Variants in COL23A1 observed in about 807,000 individuals in gnomAD.
The protein encoded by COL23A1 is collagen alpha-1(XXIII) chain.
A neutral mutation model predicts 99.3 loss-of-function variants in COL23A1; 97 were observed. The ratio of observed to expected loss-of-function variants is 0.98; its 90% confidence interval spans 0.83 to 1.16. The LOEUF (loss-of-function observed/expected upper bound fraction) is 1.16, where lower values mean the gene tolerates loss of function less well. Ranked by LOEUF, COL23A1 falls within the 50% of genes most tolerant of loss-of-function variation. COL23A1 has a pLI of 0.00. For missense variants in COL23A1, 762 were observed against 757.4 expected (o/e 1.01, Z -0.07); for synonymous variants, 320 against 308.2 (o/e 1.04, Z -0.40).
At chr5:178,513,852 T>A (rs964719805) in intron 2 of COL23A1, among the ~76,000 whole-genome samples, 2 of 110,870 alleles carry the variant, frequency 1.8e-5, no homozygotes, top group African/African-American at 7.2e-5. Flanking sequence ...TTCCATCATC[T>A]TCTGCTTTTT....
intron 2 of COL23A1, among the ~76,000 whole-genome samples, chr5:178,464,435 ATTTT>A (rs1399999326): frequency 6.6e-6 from 1 of 151,912 alleles, no homozygotes; most frequent in Non-Finnish European, 1.5e-5. Flanking sequence ...CATATACCAC[ATTTT>A]CTTTATCCAT....
intron 2 of COL23A1, among the ~76,000 whole-genome samples, chr5:178,461,965 C>T (rs1846371): frequency 0.42 from 63,271 of 151,832 alleles, 14,066 homozygotes; most frequent in Admixed American, 0.56. Context: ...GGAGCTGCCG[C>T]GAAAGTTCCT....
intron 12 of COL23A1, among the ~76,000 whole-genome samples, chr5:178,258,238 T>A (rs68102135): frequency 2.5e-4 from 15 of 60,728 alleles, no homozygotes; most frequent in East Asian, 3.9e-4. Context: ...TGTCTTAAAA[T>A]ATATATATAT....
Position 178,306,971 on chromosome 5 carries a change from G to A in COL23A1, c.362-52C>T. ...ATTGAGAAGGGAAGCCAGTGGACTT[G>A]GCTGCGTGGGGCATGCCCCAGCCAC... is the stretch of plus-strand genomic sequence containing the variant. On this transcript the variant is annotated intron_variant, in intron 2 of 28. Coordinates refer to ENST00000390654, the MANE Select transcript of COL23A1 (RefSeq NM_173465.4). The surrounding 1 kb of genome is among the most constrained non-coding windows in gnomAD (Gnocchi z 4.1). The A allele has an allele frequency of 1.5e-6, 2 of 1,336,248 alleles. No homozygotes were observed. The highest frequency in any genetic ancestry group is 2.0e-6 in the Non-Finnish European group (2 of 1,007,272). 82.8% of individuals were successfully genotyped at this position (1,336,248 alleles called of 1,614,324 possible). A position where few individuals can be genotyped will look rare whatever the true frequency, so the allele number is the denominator to read the frequency against.
At chr5:178,425,216 A>G (rs1765847409) in intron 2 of COL23A1, among the ~76,000 whole-genome samples, 1 of 152,286 alleles carries the variant, frequency 6.6e-6, no homozygotes, top group African/African-American at 2.4e-5. Flanking sequence ...TGAGGTCAGG[A>G]GTTCGAGACC....
At chr5:178,358,693 A>ATGTG (rs879302088) in intron 2 of COL23A1, among the ~76,000 whole-genome samples, 14,253 of 132,860 alleles carry the variant, frequency 0.11, 871 homozygotes, top group Middle Eastern at 0.3. Flanking sequence ...ATGTGTGTGT[A>ATGTG]TGTATGTGTA....
At chr5:178,344,896 C>T in intron 2 of COL23A1, 1 of 773,758 alleles carries the variant, frequency 1.3e-6, no homozygotes, top group South Asian at 1.3e-5. Flanking sequence ...TGTGGACAGT[C>T]TCAGGGACAA....
chr5:178,444,261 C>A (rs1210381856), intron 2 of COL23A1, among the ~76,000 whole-genome samples: 1 of 152,122 alleles, frequency 6.6e-6, no homozygotes, highest in African/African-American at 2.4e-5. Context: ...CCATCCCCCC[C>A]AAATATCTAG....
chr5:178,350,552 A>G (rs1761263555), intron 2 of COL23A1, among the ~76,000 whole-genome samples: 1 of 152,220 alleles, frequency 6.6e-6, no homozygotes, highest in Admixed American at 6.5e-5. Context: ...TGGCACAGGT[A>G]GCGTGTGGCT....
rs1442877075 is a variant in COL23A1, at chr5:178,415,802, G to T, written c.362-108883C>A. ...TAGCGGGAGGTAGACAGGCAAACAA[G>T]AAAGACTGAAAACTCCTCGAGGGCA... On this transcript the variant is annotated intron_variant, in intron 2 of 28. Transcript: ENST00000390654. The surrounding 1 kb of genome is among the most constrained non-coding windows in gnomAD (Gnocchi z 4.6). Among the ~76,000 whole-genome samples, 3 of 152,174 alleles carry T rather than the reference G, an allele frequency of 2.0e-5. No individual in the cohort carries two copies. Among genetic ancestry groups the T allele is most frequent in the Non-Finnish European group, 4.4e-5 (3 of 68,036 alleles).
chr5:178,403,140 AATAC>A (rs1345053645), intron 2 of COL23A1, among the ~76,000 whole-genome samples: 1 of 147,952 alleles, frequency 6.8e-6, no homozygotes, highest in African/African-American at 2.5e-5. Flanking sequence ...ATAAAAAATA[AATAC>A]CATTTACCGA....
intron 2 of COL23A1, among the ~76,000 whole-genome samples, chr5:178,465,199 C>T (rs1756346923): frequency 6.6e-6 from 1 of 152,190 alleles, no homozygotes; most frequent in Non-Finnish European, 1.5e-5. Flanking sequence ...CATCAGAAAA[C>T]AGGGGTCGGC....
chr5:178,358,683 A>G (rs1042909283), intron 2 of COL23A1, among the ~76,000 whole-genome samples: 22 of 117,592 alleles, frequency 1.9e-4, no homozygotes, highest in African/African-American at 5.9e-4. Flanking sequence ...GTGTATGTGT[A>G]TGTGTGTGTA....
rs1765282617 is a variant in COL23A1 at position 178,415,949 on chromosome 5, C to A, written c.362-109030G>T. Among the ~76,000 whole-genome samples the A allele has an allele frequency of 6.6e-6, 1 of 152,030 alleles. No individual in the cohort carries two copies. The highest frequency in any genetic ancestry group is 1.5e-5 in the Non-Finnish European group (1 of 68,002). On this transcript the variant is annotated intron_variant, in intron 2 of 28. Coordinates refer to ENST00000390654, the MANE Select transcript of COL23A1 (RefSeq NM_173465.4). The surrounding 1 kb of genome is among the most constrained non-coding windows in gnomAD (Gnocchi z 4.6). ...AGAGAGAGCTTTCAGGAGGTGAAGT[C>A]AGAGCTGGGCCCTGAAGGATGGGAC... is the stretch of plus-strand genomic sequence containing the variant.
chr5:178,417,766 T>C (rs1184867325), intron 2 of COL23A1, among the ~76,000 whole-genome samples: 4 of 152,210 alleles, frequency 2.6e-5, no homozygotes, highest in South Asian at 2.1e-4. Context: ...GCAGAACACA[T>C]GTGGCTTGTC....
chr5:178,518,451 C>T (rs1295821533), intron 2 of COL23A1, among the ~76,000 whole-genome samples: 1 of 150,460 alleles, frequency 6.6e-6, no homozygotes, highest in African/African-American at 2.4e-5. Flanking sequence ...CAGAGGGGCT[C>T]CTCACTTCCC....
At chr5:178,497,065 A>AG (rs1355707666) in intron 2 of COL23A1, among the ~76,000 whole-genome samples, 2 of 152,102 alleles carry the variant, frequency 1.3e-5, no homozygotes, top group Non-Finnish European at 2.9e-5. Context: ...CTCATCTCAG[A>AG]ACTCTACGTC....
intron 2 of COL23A1, among the ~76,000 whole-genome samples, chr5:178,457,027 T>C (rs1182490359): frequency 6.6e-6 from 1 of 152,112 alleles, no homozygotes; most frequent in Non-Finnish European, 1.5e-5. Flanking sequence ...TAATGAAAAA[T>C]GTTAATCATG....
At chr5:178,437,724 C>T (rs1766638379) in intron 2 of COL23A1, among the ~76,000 whole-genome samples, 1 of 152,234 alleles carries the variant, frequency 6.6e-6, no homozygotes, top group African/African-American at 2.4e-5. Flanking sequence ...CTCACCTGGC[C>T]CCTCTGTGGC....
Sources: gnomAD v4.1 joint callset for allele counts (sites outside exome capture counted in the v4.1 genomes callset) on GRCh38, gnomAD v4.1.1 for gene constraint, Gnocchi (gnomAD v3.1) non-coding constraint, MANE v1.5 for transcripts, NCBI Gene and HGNC (gene_info 2026-07-23, HGNC 2026-07-21) for gene names.